Variants in MED23 observed in about 807,000 individuals in gnomAD.
MED23 encodes mediator of RNA polymerase II transcription subunit 23.
A neutral mutation model predicts 163.9 loss-of-function variants in MED23; 105 were observed. The ratio of observed to expected loss-of-function variants is 0.64; its 90% CI spans 0.55 to 0.75. MED23 has a LOEUF of 0.75. Among genes scored for constraint, MED23 ranks in the 30% least tolerant of loss-of-function variants. The probability of loss-of-function intolerance (pLI) is 0.00; values close to 1 mark genes in which losing one functional copy is unlikely to be tolerated. For missense variants in MED23, 1,054 were observed against 1,649.0 expected, an observed-to-expected ratio of 0.64 and a Z score of 6.25; for synonymous variants, 561 against 565.6, an observed-to-expected ratio of 0.99 and a Z score of 0.12.
chr6:131,615,108 T>C (rs973671437), intron 10 of MED23, among the ~76,000 whole-genome samples: 1 of 138,172 alleles, frequency 7.2e-6, no homozygotes, highest in African/African-American at 2.7e-5. Context: ...AAAAAGAATA[T>C]TAAAATAACA....
chr6:131,617,754 C>T (rs1776797555), intron 9 of MED23, among the ~76,000 whole-genome samples: 1 of 152,158 alleles, frequency 6.6e-6, no homozygotes, highest in Non-Finnish European at 1.5e-5. Context: ...AAAAAATTAT[C>T]AGTTCAGTCA....
At chr6:131,582,843 A>G (rs1425297994), downstream of MED23, 1 of 830,142 alleles carries the variant, frequency 1.2e-6, no homozygotes, top group African/African-American at 1.7e-5. Context: ...GCCCACACAC[A>G]TATATTTATA....
At chr6:131,590,886 G>A (rs1389562850) in intron 26 of MED23, among the ~76,000 whole-genome samples, 1 of 151,732 alleles carries the variant, frequency 6.6e-6, no homozygotes, top group Admixed American at 6.6e-5. Context: ...CAAATTGCTG[G>A]GATTACAGGC....
rs767446753 is a variant in MED23, at chr6:131,605,461, A to G, written c.1392T>C (p.Asn464=). The G allele has an allele frequency of 6.2e-7, 1 of 1,604,914 alleles. No homozygotes were observed. Among genetic ancestry groups the G allele is most frequent in the Admixed American group, 1.7e-5 (1 of 59,300 alleles). ...TATAGTCATTCATCTGTAAACTTTT[A>G]TTTCTTAGACTCTGCTGCAGGAACC... is the stretch of plus-strand genomic sequence containing the variant. ...HHEFLQQSLR[N]KSLQMNDYKI... The change falls in exon 14 of 29, where the codon AAT becomes AAC. Residue 464 remains asparagine, a synonymous_variant. Transcript: ENST00000368068.
chr6:131,603,155 G>A lies in MED23; in HGVS notation c.1806C>T (p.His602=), dbSNP rs765853436. The change falls in exon 16 of 29, where the codon CAC becomes CAT. Residue 602 remains histidine (H), a synonymous_variant. Transcript: ENST00000368068. The stretch of plus-strand genomic sequence containing the variant: ...GGTAGCTAAACATCTCAAGGAGTGT[G>A]TGTAAGATCCCCCATGCATGTGATT... ...VFKSHAWGIL[H]TLLEMFSYRM... is the part of the protein sequence containing the mutation. 6.2e-7 allele frequency: 1 copy of A among 1,613,942 alleles called. No homozygotes were observed. Among genetic ancestry groups the A allele is most frequent in the Non-Finnish European group, 8.5e-7 (1 of 1,179,882 alleles).
chr6:131,621,898 G>A lies in MED23; in HGVS notation c.478C>T (p.Leu160Phe). 1 of 1,607,014 alleles carries A rather than the reference G, an allele frequency of 6.2e-7. No homozygotes were observed. The highest frequency in any genetic ancestry group is 8.5e-7 in the Non-Finnish European group (1 of 1,176,442). ...TAAATTACCTCTCTTGCTGCCAGAA[G>A]CTGCTGTACAACAGCAGAGCTCACT... ...NTVSSAVVQQ[L>F]LAAREVIAYI... The change falls in exon 6 of 29, where the codon CTT (leucine) becomes TTT (phenylalanine). Residue 160 changes from leucine (L) to phenylalanine (F), a missense_variant. Leu to Phe is a conservative substitution (Grantham distance 22). This residue lies in a region of MED23 where 227 missense variants were observed against 235.5 expected (regional missense o/e 0.96). Coordinates refer to ENST00000368068, the MANE Select transcript of MED23 (RefSeq NM_004830.4).
chr6:131,620,891 C>T (rs1245078226), intron 6 of MED23, among the ~76,000 whole-genome samples, 162 bp from the exon 7 acceptor site: 6 of 151,888 alleles, frequency 4.0e-5, no homozygotes, highest in Admixed American at 3.9e-4. Context: ...CATCTTCAAC[C>T]TCTGGGGCTC....
rs1002600188 is a variant in MED23, at chr6:131,587,968, A to T, written c.3940-122T>A. The T allele has an allele frequency of 9.9e-6, 8 of 804,268 alleles. No homozygotes were observed. In the Admixed American group the frequency reaches 1.7e-4, roughly 17 times the overall value. The allele number at this position is 804,268 out of a possible 1,614,324, so 49.8% of individuals were successfully genotyped here. A position where few individuals can be genotyped will look rare whatever the true frequency, so the allele number is the denominator to read the frequency against. On this transcript the variant is annotated intron_variant, in intron 28 of 28. Coordinates refer to ENST00000368068, the MANE Select transcript of MED23 (RefSeq NM_004830.4). ...AAGGAGTGTCGTGGGGTAGATGAGA[A>T]GTTTCTTAACATGTTCTGTGTTTTA...
chr6:131,624,750 A>T (rs972790499), intron 4 of MED23, 115 bp downstream of exon 4: 22 of 1,179,124 alleles, frequency 1.9e-5, no homozygotes, highest in African/African-American at 1.2e-4. Context: ...GGATTACTTG[A>T]TAAACCTCAC....
intron 6 of MED23, 27 bp from the exon 7 acceptor site, chr6:131,620,756 T>C: frequency 7.3e-7 from 1 of 1,375,554 alleles, no homozygotes; most frequent in Non-Finnish European, 1.0e-6. Flanking sequence ...GGCCACATCA[T>C]TCTTGACTAG....
chr6:131,596,745 G>A lies in MED23; in HGVS notation c.2608-57C>T, dbSNP rs79483568. 12,781 of 1,502,570 alleles carry A rather than the reference G, an allele frequency of 8.5e-3. 824 individuals carry two copies. The African/African-American group carries it at 0.14, about 17-fold the overall frequency. The allele number at this position is 1,502,570 out of a possible 1,614,324, so 93.1% of individuals were successfully genotyped here. A position where few individuals can be genotyped will look rare whatever the true frequency, so the allele number is the denominator to read the frequency against. On this transcript the variant is annotated intron_variant, in intron 20 of 28. Transcript: ENST00000368068. ...ATGTTCAACCTGTGTAAAATCATGAGGGCCATCTGAAAGCCTAGATTTTAA... is the reference window on the plus strand; with the variant it reads ...ATGTTCAACCTGTGTAAAATCATGAAGGCCATCTGAAAGCCTAGATTTTAA...
chr6:131,605,052 T>C (rs551292039), intron 14 of MED23, among the ~76,000 whole-genome samples, 188 bp downstream of exon 14: 36 of 152,322 alleles, frequency 2.4e-4, no homozygotes, highest in Admixed American at 3.9e-4. Flanking sequence ...AATTACTTTC[T>C]TTGGGTTTGT....
intron 28 of MED23, 38 bp from the exon 29 acceptor site, chr6:131,587,884 G>A (rs763474913): frequency 6.5e-7 from 1 of 1,548,050 alleles, no homozygotes; most frequent in Non-Finnish European, 8.8e-7. Context: ...ACTTTAATCA[G>A]AGAATTTCAA....
rs1169838920 is a variant in MED23 at position 131,587,286 on chromosome 6, T to G, written c.*393A>C. 1.9e-6 allele frequency: 2 copies of G among 1,053,738 alleles called. No homozygotes were observed. The highest frequency in any genetic ancestry group is 3.4e-5 in the African/African-American group (2 of 59,468). 65.3% of individuals were successfully genotyped at this position (1,053,738 alleles called of 1,614,324 possible). A position where few individuals can be genotyped will look rare whatever the true frequency, so the allele number is the denominator to read the frequency against. Reference sequence around the variant, plus strand: ...ATATTTGTAATAACTGTTTTACATGTGTGGTGCCTTTAAAATAATATATCT... The same window carrying G: ...ATATTTGTAATAACTGTTTTACATGGGTGGTGCCTTTAAAATAATATATCT... On this transcript the variant is annotated 3_prime_UTR_variant, in exon 29 of 29. Transcript: ENST00000368068.
chr6:131,574,064 C>CT (rs374040136), exon 31 of MED23: 55 of 593,474 alleles, frequency 9.3e-5, no homozygotes, highest in Middle Eastern at 4.6e-4. Flanking sequence ...ATTGAATACA[C>CT]TTTTTTTTCT....
chr6:131,590,572 T>C (rs760836084), intron 26 of MED23, 130 bp from the exon 27 acceptor site: 127 of 565,402 alleles, frequency 2.2e-4, no homozygotes, highest in Non-Finnish European at 3.0e-4. Context: ...TTGGTAACAA[T>C]AATATTTCTA....
intron 3 of MED23, among the ~76,000 whole-genome samples, chr6:131,626,759 T>C (rs976207740): frequency 4.8e-4 from 73 of 152,362 alleles, no homozygotes; most frequent in African/African-American, 1.7e-3. Flanking sequence ...ATATGATCCA[T>C]GTCTGAGTGG....
At chr6:131,613,694 C>A (rs1776440462) in intron 10 of MED23, among the ~76,000 whole-genome samples, 1 of 152,138 alleles carries the variant, frequency 6.6e-6, no homozygotes, top group Admixed American at 6.6e-5. Flanking sequence ...GAATTTTTGA[C>A]AATGTTTACA....
Position 131,598,859 on chromosome 6 carries a change from T to A in MED23, c.2221-98A>T, listed in dbSNP as rs1775263024. 8.6e-7 allele frequency: 1 copy of A among 1,169,472 alleles called. No individual in the cohort carries two copies. The allele number at this position is 1,169,472 out of a possible 1,614,324, so 72.4% of individuals were successfully genotyped here. A position where few individuals can be genotyped will look rare whatever the true frequency, so the allele number is the denominator to read the frequency against. On this transcript the variant is annotated intron_variant, in intron 18 of 28. Coordinates refer to ENST00000368068, the MANE Select transcript of MED23 (RefSeq NM_004830.4). The surrounding 1 kb of genome is among the most constrained non-coding windows in gnomAD (Gnocchi z 4.7). ...GTTCTAGACTTGATTCTGACACTAATAAACTCTAGGTCACCTTGAGCAACT... is the reference window on the plus strand; with the variant it reads ...GTTCTAGACTTGATTCTGACACTAAAAAACTCTAGGTCACCTTGAGCAACT...
Sources: allele counts gnomAD v4.1 joint callset (sites outside exome capture counted in the v4.1 genomes callset), GRCh38; gene constraint gnomAD v4.1.1; regional missense constraint gnomAD v4.1.1; non-coding constraint Gnocchi (gnomAD v3.1); transcripts MANE v1.5; gene names NCBI Gene and HGNC (gene_info 2026-07-23, HGNC 2026-07-21).